Variants in COL6A2 observed in about 807,000 individuals in gnomAD.
The protein encoded by COL6A2 is collagen type VI alpha 2 chain.
Under a neutral mutation model 124.9 loss-of-function variants are expected in COL6A2, and 90 were observed. The observed-to-expected ratio is 0.72, with a 90% CI of 0.61 to 0.86. The LOEUF is 0.86. COL6A2 is among the 40% of genes least tolerant of loss of function. The pLI is 0.00. For synonymous variants in COL6A2, 793 were observed against 618.2 expected, an observed-to-expected ratio of 1.28 and a Z score of -4.19; for missense variants, 1,607 against 1,502.5, an observed-to-expected ratio of 1.07 and a Z score of -1.15.
At chr21:46,109,248 T>G (rs2078368619) in intron 1 of COL6A2, among the ~76,000 whole-genome samples, 1 of 151,994 alleles carries the variant, frequency 6.6e-6, no homozygotes, top group Non-Finnish European at 1.5e-5. Context: ...TCCCTTCAGG[T>G]CCTGAAGCTC....
In COL6A2 at chr21:46,116,778, T is replaced by G. The variant is rs755823329; in HGVS notation, c.963T>G (p.Pro321=). 3 of 1,612,272 alleles carry G rather than the reference T, an allele frequency of 1.9e-6. No individual in the cohort carries two copies. In the East Asian group the frequency reaches 6.7e-5, roughly 36 times the overall value. The change falls in exon 10 of 28, where the codon CCT becomes CCG. Residue 321 remains proline (P), a synonymous_variant. Coordinates refer to ENST00000300527, the MANE Select transcript of COL6A2 (RefSeq NM_001849.4). This position sits in a 1 kb window ranked among gnomAD's most constrained non-coding sequence, Gnocchi z 4.6. The part of the protein sequence containing the change: ...EFGADGRKGA[P]GLAGKNGTDG... Reference sequence around the variant, plus strand: ...CTTCCTTCTCTCTTCAGGGGGCCCCTGGCCTGGCTGGCAAGAACGGGACCG... The same window carrying G: ...CTTCCTTCTCTCTTCAGGGGGCCCCGGGCCTGGCTGGCAAGAACGGGACCG...
In COL6A2 at chr21:46,121,793, C is replaced by A. The variant is rs758474907; in HGVS notation, c.1521+175C>A. ...ATGCCTCCGGGGTCCAGGAAGCCCC[C>A]CTGGCTCTCCTCTTCAGCAGTGACC... On this transcript the variant is annotated intron_variant, in intron 18 of 27. Transcript: ENST00000300527. Among the ~76,000 whole-genome samples, 47 of 152,160 alleles carry A rather than the reference C, an allele frequency of 3.1e-4. 1 individual carries two copies. Among genetic ancestry groups the A allele is most frequent in the Non-Finnish European group, 1.2e-4 (8 of 68,012 alleles).
chr21:46,112,906 C>T lies in COL6A2; in HGVS notation c.735+82C>T, dbSNP rs559277459. 266 of 1,568,234 alleles carry T rather than the reference C, an allele frequency of 1.7e-4. 10 individuals carry two copies. In the South Asian group the frequency reaches 2.3e-3, roughly 14 times the overall value. On this transcript the variant is annotated intron_variant, in intron 4 of 27. Coordinates refer to ENST00000300527, the MANE Select transcript of COL6A2 (RefSeq NM_001849.4). ...ACCGCGCCAGGCTGCCGACTCCTGG[C>T]GCCTCCAGGCTGGAACAGATGAGAG...
At chr21:46,118,025 A>T in intron 12 of COL6A2, 89 bp downstream of exon 12, 1 of 1,286,758 alleles carries the variant, frequency 7.8e-7, no homozygotes, top group African/African-American at 1.5e-5. Context: ...AGCTGAGCAG[A>T]GAGGGCCTTT....
intron 11 of COL6A2, 124 bp downstream of exon 11, chr21:46,117,577 C>T: frequency 3.1e-6 from 3 of 972,022 alleles, no homozygotes; most frequent in South Asian, 1.4e-5. Flanking sequence ...CAGCCCCAGC[C>T]CAGCAGCCCC....
At chr21:46,099,653 C>A (rs376220645) in intron 1 of COL6A2, among the ~76,000 whole-genome samples, 1 of 152,086 alleles carries the variant, frequency 6.6e-6, no homozygotes, top group Non-Finnish European at 1.5e-5. Context: ...ACCCAGCCCG[C>A]GGGGCACTGG....
chr21:46,109,638 T>C (rs1454830212), intron 1 of COL6A2, among the ~76,000 whole-genome samples: 1 of 152,094 alleles, frequency 6.6e-6, no homozygotes, highest in Non-Finnish European at 1.5e-5. Flanking sequence ...GCCCACAGTT[T>C]GGAGGGGGCC....
chr21:46,111,379 C>T (rs551751772), intron 1 of COL6A2, 71 bp from the exon 2 acceptor site: 34 of 842,908 alleles, frequency 4.0e-5, no homozygotes, highest in East Asian at 2.3e-4. Context: ...GCTGTGCGTG[C>T]GCCTGCCATG....
intron 1 of COL6A2, among the ~76,000 whole-genome samples, chr21:46,108,766 T>A (rs1402262198): frequency 6.6e-6 from 1 of 152,240 alleles, no homozygotes; most frequent in Non-Finnish European, 1.5e-5. Context: ...TATTGGATTT[T>A]AGTTTTTAAT....
chr21:46,124,651 G>A lies in COL6A2; in HGVS notation c.1672G>A (p.Ala558Thr). ...PGRKGEKGEP[A>T]DPGPPGEPGP... is the part of the protein sequence containing the mutation. ...CCCACCTGTTCTTGTTCCTTCTCAGGCGGATCCTGGTCCCCCTGGTGAGCC... is the reference window on the plus strand; with the variant it reads ...CCCACCTGTTCTTGTTCCTTCTCAGACGGATCCTGGTCCCCCTGGTGAGCC... The change falls in exon 22 of 28, where the codon GCG becomes ACG. Residue 558 changes from alanine (A) to threonine (T), a missense_variant and splice_region_variant. Ala to Thr is a moderately conservative substitution (Grantham distance 58). This residue lies in a region of COL6A2 where 1,223 missense variants were observed against 1,052.2 expected (regional missense o/e 1.16). Transcript: ENST00000300527. The A allele has an allele frequency of 6.2e-7, 1 of 1,612,944 alleles. No individual in the cohort carries two copies. The highest frequency in any genetic ancestry group is 1.1e-5 in the South Asian group (1 of 91,088).
At chr21:46,119,382 G>A (rs1309986192) in intron 14 of COL6A2, among the ~76,000 whole-genome samples, 1 of 152,186 alleles carries the variant, frequency 6.6e-6, no homozygotes, top group Non-Finnish European at 1.5e-5. Context: ...TGTGAGGGCT[G>A]AGCAGGGCCC....
chr21:46,121,776 G>A (rs750591142), intron 18 of COL6A2, among the ~76,000 whole-genome samples, 158 bp downstream of exon 18: 4 of 152,110 alleles, frequency 2.6e-5, no homozygotes, highest in African/African-American at 7.2e-5. Flanking sequence ...GGATGCCTCC[G>A]GGGTCCAGGA....
At chr21:46,129,171 G>C in intron 27 of COL6A2, 4 of 1,612,670 alleles carry the variant, frequency 2.5e-6, no homozygotes, top group Non-Finnish European at 3.4e-6. Context: ...AGGCCTTACA[G>C]TCTTCTCTGG....
chr21:46,120,625 G>T (rs534648259), intron 16 of COL6A2, 48 bp downstream of exon 16: 1 of 1,428,404 alleles, frequency 7.0e-7, no homozygotes, highest in East Asian at 2.5e-5. Context: ...ATCTGAGGGG[G>T]TGCAGGGGGG....
In COL6A2 at chr21:46,117,732, G is replaced by A. The variant is rs1243312532; in HGVS notation, c.1054-142G>A. On this transcript the variant is annotated intron_variant, in intron 11 of 27. Coordinates refer to ENST00000300527, the MANE Select transcript of COL6A2 (RefSeq NM_001849.4). ...TTCCCTGAGCAGCAGATCCAGGCCT[G>A]GCCTCTTGGTCACTGAGCCTGGGCC... The A allele has an allele frequency of 3.4e-6, 3 of 871,326 alleles. No homozygotes were observed. In the Admixed American group the frequency reaches 6.5e-5, roughly 19 times the overall value. 54.0% of individuals were successfully genotyped at this position (871,326 alleles called of 1,614,324 possible). A position where few individuals can be genotyped will look rare whatever the true frequency, so the allele number is the denominator to read the frequency against.
chr21:46,131,821 A>C, intron 27 of COL6A2, 133 bp from the exon 28 acceptor site: 1 of 847,638 alleles, frequency 1.2e-6, no homozygotes, highest in Non-Finnish European at 1.9e-6. Context: ...CCCTGCAGAA[A>C]CGCCCCCGCA....
chr21:46,120,306 G>A (rs372773645), intron 15 of COL6A2, among the ~76,000 whole-genome samples: 22 of 152,292 alleles, frequency 1.4e-4, no homozygotes, highest in East Asian at 5.8e-4. Context: ...GCCTCAGGGG[G>A]ACCGAGAGAC....
At chr21:46,121,344 A>G (rs1302011630) in intron 17 of COL6A2, among the ~76,000 whole-genome samples, 1 of 152,184 alleles carries the variant, frequency 6.6e-6, no homozygotes, top group African/African-American at 2.4e-5. Flanking sequence ...TTGTGGAGTC[A>G]GGGGCAAGGC....
chr21:46,122,241 A>G (rs1325509067), intron 19 of COL6A2, 83 bp downstream of exon 19: 9 of 1,481,508 alleles, frequency 6.1e-6, no homozygotes, highest in African/African-American at 1.4e-5. Context: ...TAGTTCCCTC[A>G]AGGCCTCCTC....
Sources: allele counts gnomAD v4.1 joint callset (sites outside exome capture counted in the v4.1 genomes callset), GRCh38; gene constraint gnomAD v4.1.1; regional missense constraint gnomAD v4.1.1; non-coding constraint Gnocchi (gnomAD v3.1); transcripts MANE v1.5; gene names NCBI Gene and HGNC (gene_info 2026-07-23, HGNC 2026-07-21).